Variants in PLCB1 observed in about 807,000 individuals in gnomAD.
The protein encoded by PLCB1 is phospholipase C beta 1, also known as 1-phosphatidylinositol 4,5-bisphosphate phosphodiesterase beta-1.
Under a neutral mutation model 161.8 loss-of-function variants are expected in PLCB1, and 46 were observed. That is an observed-to-expected ratio of 0.28 (90% CI 0.22 to 0.36). The LOEUF (loss-of-function observed/expected upper bound fraction) is 0.36. Among genes scored for constraint, PLCB1 ranks in the 10% least tolerant of loss-of-function variants. The pLI is 1.00. For synonymous variants in PLCB1, 517 were observed against 503.7 expected (o/e 1.03, Z -0.35); for missense variants, 1,016 against 1,472.5 (o/e 0.69, Z 5.07).
At chr20:8,564,481 A>G (rs1402028828) in intron 3 of PLCB1, among the ~76,000 whole-genome samples, 1 of 152,232 alleles carries the variant, frequency 6.6e-6, no homozygotes, top group African/African-American at 2.4e-5. Flanking sequence ...CAAAATTGAC[A>G]AATGGGACCT....
At chr20:8,736,539 A>G (rs898951795) in intron 19 of PLCB1, among the ~76,000 whole-genome samples, 1 of 152,202 alleles carries the variant, frequency 6.6e-6, no homozygotes, top group African/African-American at 2.4e-5. Context: ...GCTATAAAGA[A>G]CTACCTGAAA....
At chr20:8,139,319 C>T (rs1326437540) in intron 1 of PLCB1, among the ~76,000 whole-genome samples, 2 of 152,032 alleles carry the variant, frequency 1.3e-5, no homozygotes, top group Non-Finnish European at 2.9e-5. Context: ...TGGTCTGGAA[C>T]TCCTGACCTC....
chr20:8,134,957 T>C (rs948665594), intron 1 of PLCB1, among the ~76,000 whole-genome samples: 21 of 151,888 alleles, frequency 1.4e-4, no homozygotes, highest in African/African-American at 3.9e-4. Flanking sequence ...GTTCTCTGGG[T>C]CTTCATGCTG....
At chr20:8,154,533 G>C (rs1014212673) in intron 2 of PLCB1, among the ~76,000 whole-genome samples, 17 of 152,114 alleles carry the variant, frequency 1.1e-4, no homozygotes, top group African/African-American at 4.1e-4. Flanking sequence ...AAATTATAAT[G>C]AATGGCTGTA....
At chr20:8,203,564 G>C (rs537481817) in intron 2 of PLCB1, among the ~76,000 whole-genome samples, 23 of 152,170 alleles carry the variant, frequency 1.5e-4, no homozygotes, top group Non-Finnish European at 2.9e-4. Flanking sequence ...GGCCGGGGGT[G>C]GGGTGGGGGA....
At chr20:8,620,747 C>CAAAAAA (rs779029928) in intron 3 of PLCB1, among the ~76,000 whole-genome samples, 135 of 75,070 alleles carry the variant, frequency 1.8e-3, no homozygotes, top group African/African-American at 2.9e-3. Context: ...CTGCCCCCAC[C>CAAAAAA]AAAAAAAAAA....
intron 3 of PLCB1, among the ~76,000 whole-genome samples, chr20:8,555,612 A>G (rs1459797722): frequency 2.0e-5 from 3 of 152,118 alleles, no homozygotes; most frequent in Non-Finnish European, 2.9e-5. Context: ...TACCTCTCTT[A>G]TTAAGTGTTA....
rs754241675 is a variant in PLCB1, at chr20:8,727,289, T to G, written c.1679-20T>G. The G allele has an allele frequency of 1.4e-6, 2 of 1,387,918 alleles. No individual in the cohort carries two copies. Among genetic ancestry groups the G allele is most frequent in the Non-Finnish European group, 2.0e-6 (2 of 984,740 alleles). The allele number at this position is 1,387,918 out of a possible 1,614,324, so 86.0% of individuals were successfully genotyped here. On this transcript the variant is annotated intron_variant, in intron 16 of 31. Transcript: ENST00000338037. ...TATTTCTCACCTTCCCCTTTTTTGTTTTGTTGTTGCTTAACTCAGAAAGAA... is the reference window on the plus strand; with the variant it reads ...TATTTCTCACCTTCCCCTTTTTTGTGTTGTTGTTGCTTAACTCAGAAAGAA...
chr20:8,200,032 G>A (rs1282351313), intron 2 of PLCB1, among the ~76,000 whole-genome samples: 1 of 152,002 alleles, frequency 6.6e-6, no homozygotes, highest in Non-Finnish European at 1.5e-5. Flanking sequence ...TCTTGCCACT[G>A]CATTTTATAA....
chr20:8,739,216 A>G (rs1477850507), intron 20 of PLCB1, 45 bp from the exon 21 acceptor site: 1 of 1,082,668 alleles, frequency 9.2e-7, no homozygotes, highest in South Asian at 1.2e-5. Flanking sequence ...ATTTCTTGGA[A>G]TTGTTCATTC....
chr20:8,558,549 A>C (rs944469719), intron 3 of PLCB1, among the ~76,000 whole-genome samples: 4 of 151,680 alleles, frequency 2.6e-5, no homozygotes, highest in African/African-American at 4.8e-5. Flanking sequence ...TAAAACTCTC[A>C]AAGTTGATAA....
intron 11 of PLCB1, among the ~76,000 whole-genome samples, chr20:8,705,008 C>G: frequency 1.1e-5 from 1 of 92,384 alleles, no homozygotes; most frequent in African/African-American, 6.2e-5. Flanking sequence ...CCTATTCAGG[C>G]TTCCAGTGCG....
chr20:8,392,500 G>T (rs1272754393), intron 3 of PLCB1, among the ~76,000 whole-genome samples: 1 of 151,992 alleles, frequency 6.6e-6, no homozygotes, highest in Non-Finnish European at 1.5e-5. Flanking sequence ...GAATAACCTG[G>T]GTAGAGTCAT....
At chr20:8,692,870 T>C (rs984058149) in intron 10 of PLCB1, among the ~76,000 whole-genome samples, 5 of 152,092 alleles carry the variant, frequency 3.3e-5, no homozygotes, top group Non-Finnish European at 7.4e-5. Context: ...CTGGTAGGCA[T>C]TCTTTATGCC....
At chr20:8,629,871 T>TTCTC (rs1283829647) in intron 4 of PLCB1, among the ~76,000 whole-genome samples, 1 of 95,912 alleles carries the variant, frequency 1.0e-5, no homozygotes, top group African/African-American at 4.0e-5. Context: ...CTTTCTTTCT[T>TTCTC]TCTTTCTCTC....
At chr20:8,827,581 G>T (rs1242939641) in intron 31 of PLCB1, among the ~76,000 whole-genome samples, 1 of 152,204 alleles carries the variant, frequency 6.6e-6, no homozygotes, top group Non-Finnish European at 1.5e-5. Context: ...AGTCACACTA[G>T]CACATTTCAT....
intron 2 of PLCB1, among the ~76,000 whole-genome samples, chr20:8,301,928 C>A (rs998142443): frequency 6.6e-6 from 1 of 152,220 alleles, no homozygotes; most frequent in Non-Finnish European, 1.5e-5. Flanking sequence ...TCACCATTTG[C>A]TGGTTCTGTG....
intron 3 of PLCB1, among the ~76,000 whole-genome samples, chr20:8,500,035 T>A (rs1983339466): frequency 6.6e-6 from 1 of 152,174 alleles, no homozygotes; most frequent in South Asian, 2.1e-4. Context: ...TCAGAAAAGA[T>A]TACATATTTT....
At chr20:8,662,485 ATTT>A (rs901170467) in intron 9 of PLCB1, among the ~76,000 whole-genome samples, 1 of 138,652 alleles carries the variant, frequency 7.2e-6, no homozygotes, top group Non-Finnish European at 1.5e-5. Context: ...TATATATATA[ATTT>A]TTTATTATAT....
Sources: gnomAD v4.1 joint callset for allele counts (sites outside exome capture counted in the v4.1 genomes callset) on GRCh38, gnomAD v4.1.1 for gene constraint, MANE v1.5 for transcripts, NCBI Gene and HGNC (gene_info 2026-07-23, HGNC 2026-07-21) for gene names.